The following SPOCK1 variants were observed in gnomAD, a reference collection of about 807,000 sequenced individuals.
SPOCK1 encodes the protein SPARC (osteonectin), cwcv and kazal like domains proteoglycan 1.
A neutral mutation model predicts 55.3 loss-of-function variants in SPOCK1; 23 were observed. The ratio of observed to expected loss-of-function variants is 0.42; its 90% CI spans 0.30 to 0.59. The LOEUF (loss-of-function observed/expected upper bound fraction) is 0.59. SPOCK1 is among the 20% of genes least tolerant of loss of function. The pLI, the probability that SPOCK1 is intolerant of heterozygous loss-of-function variation, is 0.22. For missense variants in SPOCK1, 499 were observed against 552.5 expected, an observed-to-expected ratio of 0.90 and a Z score of 0.97; for synonymous variants, 226 against 221.0, an observed-to-expected ratio of 1.02 and a Z score of -0.20.
At chr5:137,180,202 C>A (rs1267688453) in intron 3 of SPOCK1, among the ~76,000 whole-genome samples, 3 of 152,200 alleles carry the variant, frequency 2.0e-5, no homozygotes, top group Admixed American at 6.5e-5. Context: ...TGGCCAGGAG[C>A]ACCAGGCACA....
chr5:137,306,261 C>T (rs537262262), intron 2 of SPOCK1, among the ~76,000 whole-genome samples: 64 of 152,322 alleles, frequency 4.2e-4, no homozygotes, highest in African/African-American at 1.2e-3. Flanking sequence ...AGTTATCAGA[C>T]ACATAAAACC....
chr5:137,363,866 G>A (rs1170791628), intron 2 of SPOCK1, among the ~76,000 whole-genome samples: 3 of 152,254 alleles, frequency 2.0e-5, no homozygotes, highest in Non-Finnish European at 4.4e-5. Context: ...GCCAGTCACT[G>A]GGGACAGGCT....
Position 136,978,619 on chromosome 5 carries a change from T to G in SPOCK1, c.*35A>C. 6.4e-7 allele frequency: 1 copy of G among 1,557,002 alleles called. No homozygotes were observed. The highest frequency in any genetic ancestry group is 1.2e-5 in the South Asian group (1 of 80,096). On this transcript the variant is annotated 3_prime_UTR_variant, in exon 11 of 11. Coordinates refer to ENST00000394945, the MANE Select transcript of SPOCK1 (RefSeq NM_004598.4). ...GCAGGAATAGGAAGTGACTTGCAAT[T>G]TTGTGCAAAACTTGTGTCCTCTTTC...
In SPOCK1 at chr5:137,284,293, T is replaced by C. The variant is rs1234371971; in HGVS notation, c.187-17238A>G. On this transcript the variant is annotated intron_variant, in intron 2 of 10. Transcript: ENST00000394945. ...CCATCATCTCCCAAAGGGTGAACTCTGCTGCACCCGACTCAGACCCATACA... is the reference window on the plus strand; with the variant it reads ...CCATCATCTCCCAAAGGGTGAACTCCGCTGCACCCGACTCAGACCCATACA... Among the ~76,000 whole-genome samples, 3 of 152,224 alleles carry C rather than the reference T, an allele frequency of 2.0e-5. No individual in the cohort carries two copies. The East Asian group carries it at 5.8e-4, about 29-fold the overall frequency.
chr5:137,137,707 C>T (rs1051946327), intron 4 of SPOCK1, among the ~76,000 whole-genome samples: 1 of 152,202 alleles, frequency 6.6e-6, no homozygotes, highest in Non-Finnish European at 1.5e-5. Context: ...ACACTGTCAT[C>T]CTCACGCTAA....
At chr5:137,208,821 C>G (rs1324546628) in intron 3 of SPOCK1, among the ~76,000 whole-genome samples, 2 of 152,128 alleles carry the variant, frequency 1.3e-5, no homozygotes, top group Non-Finnish European at 1.5e-5. Flanking sequence ...ACAGTATACC[C>G]AGGTAACAAA....
At chr5:137,410,728 A>G (rs1450631016) in intron 2 of SPOCK1, among the ~76,000 whole-genome samples, 1 of 152,246 alleles carries the variant, frequency 6.6e-6, no homozygotes, top group Non-Finnish European at 1.5e-5. Flanking sequence ...TCGAGTTCAG[A>G]AGGGAGTGTG....
intron 5 of SPOCK1, among the ~76,000 whole-genome samples, chr5:137,080,539 G>A (rs1000393143): frequency 6.6e-6 from 1 of 152,134 alleles, no homozygotes; most frequent in Non-Finnish European, 1.5e-5. Flanking sequence ...CCTCCCGGAT[G>A]TCTCTATAGA....
At chr5:137,186,680 G>A (rs1755074822) in intron 3 of SPOCK1, among the ~76,000 whole-genome samples, 2 of 152,184 alleles carry the variant, frequency 1.3e-5, no homozygotes, top group African/African-American at 2.4e-5. Flanking sequence ...CAGTCTGTGA[G>A]CCAGGTGTTC....
chr5:137,477,458 C>A (rs899426330), intron 2 of SPOCK1, among the ~76,000 whole-genome samples: 2 of 152,116 alleles, frequency 1.3e-5, no homozygotes, highest in Non-Finnish European at 2.9e-5. Flanking sequence ...AGATGCCCTT[C>A]TCATCAGCTT....
chr5:137,075,614 C>A (rs1752742090), intron 5 of SPOCK1, among the ~76,000 whole-genome samples: 1 of 152,202 alleles, frequency 6.6e-6, no homozygotes, highest in Admixed American at 6.5e-5. Flanking sequence ...AAGTTTCAGT[C>A]CAGTTCATGT....
intron 2 of SPOCK1, among the ~76,000 whole-genome samples, chr5:137,346,225 A>G (rs1172438714): frequency 6.6e-6 from 1 of 152,190 alleles, no homozygotes; most frequent in African/African-American, 2.4e-5. Flanking sequence ...AAGCCCAGGA[A>G]GACCGGGAAG....
At chr5:137,488,547 T>A (rs2149844545) in intron 2 of SPOCK1, among the ~76,000 whole-genome samples, 1 of 152,322 alleles carries the variant, frequency 6.6e-6, no homozygotes, top group South Asian at 2.1e-4. Flanking sequence ...AATGCCACTC[T>A]AACAGACCGC....
intron 2 of SPOCK1, among the ~76,000 whole-genome samples, chr5:137,321,162 C>CA (rs1213317267): frequency 7.0e-6 from 1 of 143,688 alleles, no homozygotes; most frequent in Non-Finnish European, 1.5e-5. Flanking sequence ...AGAGACAGGT[C>CA]ATTGGAAATT....
chr5:137,454,850 G>A (rs1054799052), intron 2 of SPOCK1, among the ~76,000 whole-genome samples: 1 of 152,074 alleles, frequency 6.6e-6, no homozygotes. Context: ...ATGCAAAAGG[G>A]GAGTTGCTTT....
At chr5:137,237,070 C>T (rs947691834) in intron 3 of SPOCK1, among the ~76,000 whole-genome samples, 1 of 152,246 alleles carries the variant, frequency 6.6e-6, no homozygotes, top group African/African-American at 2.4e-5. Flanking sequence ...AGCTTGCTAG[C>T]AGTCTGCCTT....
chr5:137,001,589 C>T (rs1027614886), intron 6 of SPOCK1, among the ~76,000 whole-genome samples: 2 of 152,220 alleles, frequency 1.3e-5, no homozygotes, highest in Admixed American at 6.5e-5. Flanking sequence ...AGGTTGGGAC[C>T]CACACTCCCT....
chr5:137,183,548 G>T (rs1226488433), intron 3 of SPOCK1, among the ~76,000 whole-genome samples: 2 of 152,178 alleles, frequency 1.3e-5, no homozygotes, highest in African/African-American at 4.8e-5. Context: ...TTAGAATCTT[G>T]GTGGTTGTGA....
intron 3 of SPOCK1, among the ~76,000 whole-genome samples, chr5:137,229,817 C>T (rs1756014494): frequency 6.6e-6 from 1 of 152,104 alleles, no homozygotes; most frequent in African/African-American, 2.4e-5. Context: ...GAGTGCACAA[C>T]CTAGGTCCCT....
Sources: allele counts gnomAD v4.1 joint callset (sites outside exome capture counted in the v4.1 genomes callset), GRCh38; gene constraint gnomAD v4.1.1; transcripts MANE v1.5; gene names NCBI Gene and HGNC (gene_info 2026-07-23, HGNC 2026-07-21).